The following ACBD6 variants were observed in gnomAD, a reference collection of about 807,000 sequenced individuals.
ACBD6 encodes acyl-CoA binding domain containing 6.
A neutral mutation model predicts 37.2 loss-of-function variants in ACBD6; 28 were observed. The observed-to-expected ratio is 0.75, with a 90% CI of 0.56 to 1.03. The LOEUF is 1.03. Among genes scored for constraint, ACBD6 ranks in the 50% least tolerant of loss-of-function variants. The pLI is 0.00. For synonymous variants in ACBD6, 113 were observed against 126.8 expected, an observed-to-expected ratio of 0.89 and a Z score of 0.73; for missense variants, 340 against 337.4, an observed-to-expected ratio of 1.01 and a Z score of -0.06.
At chr1:180,415,418 CA>C (rs796582810) in intron 4 of ACBD6, among the ~76,000 whole-genome samples, 24 of 138,336 alleles carry the variant, frequency 1.7e-4, no homozygotes, top group South Asian at 1.6e-3. Flanking sequence ...CAAACACACG[CA>C]AAAAAAAAAA....
At chr1:180,453,227 T>G (rs187951681) in intron 3 of ACBD6, among the ~76,000 whole-genome samples, 235 of 152,316 alleles carry the variant, frequency 1.5e-3, no homozygotes, top group African/African-American at 5.4e-3. Flanking sequence ...CACGATCAAG[T>G]TGGCTTCATC....
At chr1:180,496,915 A>G (rs1233830208) in intron 1 of ACBD6, among the ~76,000 whole-genome samples, 1 of 116,866 alleles carries the variant, frequency 8.6e-6, no homozygotes, top group Non-Finnish European at 1.7e-5. Flanking sequence ...TTTATAAATG[A>G]AGAGAGAAGC....
At chr1:180,317,484 A>C (rs1320913617) in intron 6 of ACBD6, among the ~76,000 whole-genome samples, 1 of 152,210 alleles carries the variant, frequency 6.6e-6, no homozygotes, top group East Asian at 1.9e-4. Context: ...TACATGTAAA[A>C]ATGGTTAAAA....
chr1:180,483,403 A>C (rs1255608517), intron 3 of ACBD6, among the ~76,000 whole-genome samples: 1 of 152,076 alleles, frequency 6.6e-6, no homozygotes, highest in African/African-American at 2.4e-5. Flanking sequence ...CTACAACTTT[A>C]CTAATACATT....
intron 6 of ACBD6, among the ~76,000 whole-genome samples, chr1:180,357,564 G>C (rs984997951): frequency 2.6e-5 from 4 of 152,084 alleles, no homozygotes; most frequent in Non-Finnish European, 5.9e-5. Context: ...GAGAAGAAAG[G>C]ACAGCCTCAA....
chr1:180,461,086 C>T (rs1650128617), intron 3 of ACBD6, among the ~76,000 whole-genome samples: 1 of 151,976 alleles, frequency 6.6e-6, no homozygotes, highest in Admixed American at 6.6e-5. Context: ...AAACACAATA[C>T]AAGAATTTAA....
At chr1:180,382,916 C>T (rs906732675) in intron 6 of ACBD6, among the ~76,000 whole-genome samples, 3 of 152,100 alleles carry the variant, frequency 2.0e-5, no homozygotes, top group Middle Eastern at 3.2e-3. Context: ...AAATGTGATA[C>T]ATCACATCAA....
chr1:180,316,762 C>G (rs1571351446), intron 6 of ACBD6, among the ~76,000 whole-genome samples: 2 of 152,076 alleles, frequency 1.3e-5, no homozygotes, highest in Non-Finnish European at 2.9e-5. Context: ...AGTCACTGTT[C>G]TAGGCACTGG....
intron 6 of ACBD6, among the ~76,000 whole-genome samples, chr1:180,363,651 A>C (rs1485993651): frequency 6.6e-6 from 1 of 152,196 alleles, no homozygotes; most frequent in African/African-American, 2.4e-5. Context: ...TTAAAAAAGC[A>C]GCAGCTTCTC....
intron 4 of ACBD6, among the ~76,000 whole-genome samples, chr1:180,429,352 G>A (rs1413869621): frequency 6.6e-6 from 1 of 152,024 alleles, no homozygotes. Flanking sequence ...AAGTATAATC[G>A]CAAAGTGTTT....
chr1:180,408,557 T>C (rs964329385), intron 5 of ACBD6, among the ~76,000 whole-genome samples: 1 of 151,994 alleles, frequency 6.6e-6, no homozygotes, highest in Non-Finnish European at 1.5e-5. Flanking sequence ...TTAGGAGATA[T>C]ACCTAATGCT....
In ACBD6 at chr1:180,400,527, T is replaced by C. The variant is rs1171437187; in HGVS notation, c.574-2922A>G. On this transcript the variant is annotated intron_variant, in intron 5 of 7. Coordinates refer to ENST00000367595, the MANE Select transcript of ACBD6 (RefSeq NM_032360.4). The stretch of plus-strand genomic sequence containing the variant: ...GTATTAAAAAGCTCAAAAACAAGAG[T>C]AGGATTAAACATACTTGTAAATAAA... 2.0e-5 allele frequency among the ~76,000 whole-genome samples: 3 copies of C among 152,136 alleles called. No individual in the cohort carries two copies. The East Asian group carries it at 5.8e-4, about 29-fold the overall frequency.
intron 3 of ACBD6, among the ~76,000 whole-genome samples, chr1:180,479,474 C>T (rs1199932210): frequency 2.0e-5 from 3 of 151,676 alleles, no homozygotes; most frequent in African/African-American, 7.3e-5. Flanking sequence ...TGGAAAGACA[C>T]ATAACAGAGA....
intron 6 of ACBD6, among the ~76,000 whole-genome samples, chr1:180,396,517 A>C (rs12405902): frequency 0.13 from 19,883 of 152,104 alleles, 1,899 homozygotes; most frequent in East Asian, 0.36. Context: ...AAACCCACAA[A>C]AAGGGAGAAG....
intron 7 of ACBD6, among the ~76,000 whole-genome samples, chr1:180,305,184 C>T (rs1558241799): frequency 6.6e-6 from 1 of 152,168 alleles, no homozygotes; most frequent in South Asian, 2.1e-4. Flanking sequence ...AGGACATAGG[C>T]ATGGGCAAGG....
At chr1:180,489,801 C>A (rs1264149057) in intron 3 of ACBD6, among the ~76,000 whole-genome samples, 1 of 151,994 alleles carries the variant, frequency 6.6e-6, no homozygotes, top group Admixed American at 6.6e-5. Flanking sequence ...GGACTACAGG[C>A]ACTTGCCACC....
At chr1:180,380,586 A>C (rs1348298816) in intron 6 of ACBD6, among the ~76,000 whole-genome samples, 1 of 151,084 alleles carries the variant, frequency 6.6e-6, no homozygotes, top group East Asian at 2.0e-4. Flanking sequence ...ACTCAGTATA[A>C]TAACATGCTG....
At chr1:180,386,688 C>A (rs1653857617) in intron 6 of ACBD6, among the ~76,000 whole-genome samples, 1 of 151,886 alleles carries the variant, frequency 6.6e-6, no homozygotes, top group Admixed American at 6.6e-5. Context: ...TTTATCATTT[C>A]CATCTAGTAT....
intron 3 of ACBD6, among the ~76,000 whole-genome samples, chr1:180,437,191 G>A (rs1649075529): frequency 6.6e-6 from 1 of 152,132 alleles, no homozygotes; most frequent in African/African-American, 2.4e-5. Flanking sequence ...ACTGGCAAAT[G>A]TGTTTCCCTG....
Sources: gnomAD v4.1 joint callset for allele counts (sites outside exome capture counted in the v4.1 genomes callset) on GRCh38, gnomAD v4.1.1 for gene constraint, MANE v1.5 for transcripts, NCBI Gene and HGNC (gene_info 2026-07-23, HGNC 2026-07-21) for gene names.